CACNA2D1: variants seen among roughly 807,000 people sequenced by gnomAD.
The protein encoded by CACNA2D1 is voltage-dependent calcium channel subunit alpha-2/delta-1.
CACNA2D1 carries 53 observed loss-of-function variants against 171.5 expected under a neutral mutation model. That is an observed-to-expected ratio of 0.31 (90% CI 0.25 to 0.39). The LOEUF (loss-of-function observed/expected upper bound fraction) is 0.39. CACNA2D1 is among the 10% of genes least tolerant of loss of function. The probability of loss-of-function intolerance (pLI) is 1.00; values close to 1 mark genes in which losing one functional copy is unlikely to be tolerated. For missense variants in CACNA2D1, 903 were observed against 1,299.8 expected, an observed-to-expected ratio of 0.69 and a Z score of 4.69; for synonymous variants, 442 against 443.1, an observed-to-expected ratio of 1.00 and a Z score of 0.03.
chr7:82,291,226 T>TTTAAAATA (rs1480696284), intron 3 of CACNA2D1, among the ~76,000 whole-genome samples: 1 of 125,572 alleles, frequency 8.0e-6, no homozygotes, highest in East Asian at 2.2e-4. Flanking sequence ...ATATTATATA[T>TTTAAAATA]TTAAAATATT....
chr7:82,109,419 G>C (rs1039599076), intron 6 of CACNA2D1, among the ~76,000 whole-genome samples: 2 of 151,984 alleles, frequency 1.3e-5, no homozygotes, highest in Non-Finnish European at 2.9e-5. Context: ...CTCTTCATCT[G>C]AGCACTAGAT....
intron 5 of CACNA2D1, among the ~76,000 whole-genome samples, chr7:82,130,870 C>T (rs1790889843): frequency 6.9e-6 from 1 of 145,278 alleles, no homozygotes; most frequent in African/African-American, 2.6e-5. Flanking sequence ...AATCTCGGCT[C>T]ACTGCAAGCT....
chr7:82,028,344 T>C (rs1379826775), intron 12 of CACNA2D1: 4 of 151,754 alleles, frequency 2.6e-5, no homozygotes, highest in Non-Finnish European at 5.9e-5. Context: ...TAAAAAAAAA[T>C]TATTGCTCAC....
At chr7:82,218,380 A>T (rs1285522730) in intron 3 of CACNA2D1, among the ~76,000 whole-genome samples, 1 of 152,228 alleles carries the variant, frequency 6.6e-6, no homozygotes, top group East Asian at 1.9e-4. Flanking sequence ...TGAGCCTAGA[A>T]TCAATGAAGA....
intron 22 of CACNA2D1, 135 bp from the exon 23 acceptor site, chr7:81,983,469 T>C: frequency 1.4e-6 from 1 of 724,852 alleles, no homozygotes; most frequent in Non-Finnish European, 2.5e-6. Context: ...GGTTCATTTA[T>C]GTACAGCTGT....
intron 1 of CACNA2D1, among the ~76,000 whole-genome samples, chr7:82,400,147 C>A (rs971157164): frequency 2.0e-5 from 3 of 150,352 alleles, no homozygotes; most frequent in Non-Finnish European, 4.4e-5. Context: ...ATGCCTCCAG[C>A]TTTGTTCTTT....
At chr7:82,441,403 T>A (rs1340796898) in intron 1 of CACNA2D1, among the ~76,000 whole-genome samples, 1 of 152,118 alleles carries the variant, frequency 6.6e-6, no homozygotes, top group Non-Finnish European at 1.5e-5. Context: ...CAATGTCTTA[T>A]ATAATTTGAA....
chr7:82,320,254 T>C (rs538189019), intron 3 of CACNA2D1, among the ~76,000 whole-genome samples: 6 of 152,264 alleles, frequency 3.9e-5, no homozygotes, highest in African/African-American at 1.2e-4. Context: ...CAGAACCATA[T>C]TTAACTTATT....
chr7:82,380,016 C>T (rs999671885), intron 1 of CACNA2D1, among the ~76,000 whole-genome samples: 1 of 152,068 alleles, frequency 6.6e-6, no homozygotes, highest in Non-Finnish European at 1.5e-5. Context: ...TAGTGCCTTG[C>T]CACATCCCTT....
intron 1 of CACNA2D1, among the ~76,000 whole-genome samples, chr7:82,433,521 A>G (rs1829884435): frequency 6.6e-6 from 1 of 152,206 alleles, no homozygotes; most frequent in Non-Finnish European, 1.5e-5. Flanking sequence ...TATTCCAACC[A>G]TCTGCTTTAA....
chr7:82,428,440 C>A (rs1477969671), intron 1 of CACNA2D1, among the ~76,000 whole-genome samples: 1 of 152,104 alleles, frequency 6.6e-6, no homozygotes, highest in African/African-American at 2.4e-5. Context: ...ATGACTTGGA[C>A]CTCCCTTTCC....
At chr7:82,252,125 T>C (rs1309745276) in intron 3 of CACNA2D1, among the ~76,000 whole-genome samples, 1 of 152,196 alleles carries the variant, frequency 6.6e-6, no homozygotes, top group South Asian at 2.1e-4. Context: ...AAAATGAGAA[T>C]GCGAGTATGC....
intron 3 of CACNA2D1, 111 bp downstream of exon 3, chr7:82,335,024 C>A (rs1409867726): frequency 1.0e-5 from 8 of 772,070 alleles, no homozygotes; most frequent in East Asian, 4.9e-5. Flanking sequence ...ATCAGATGAA[C>A]ACAGTTACTA....
chr7:82,268,888 C>T (rs1808263838), intron 3 of CACNA2D1, among the ~76,000 whole-genome samples: 1 of 152,106 alleles, frequency 6.6e-6, no homozygotes, highest in Non-Finnish European at 1.5e-5. Context: ...TCCCGATGTA[C>T]AAGAGAGGCT....
chr7:82,369,246 T>C (rs1822086437), intron 1 of CACNA2D1, among the ~76,000 whole-genome samples: 1 of 152,094 alleles, frequency 6.6e-6, no homozygotes, highest in East Asian at 1.9e-4. Context: ...TAATGCTTAA[T>C]ACATAGTAGG....
intron 3 of CACNA2D1, among the ~76,000 whole-genome samples, chr7:82,268,697 T>G: frequency 7.1e-6 from 1 of 141,488 alleles, no homozygotes; most frequent in African/African-American, 2.7e-5. Context: ...AAAGTGAGAA[T>G]GGAAAGAATT....
intron 3 of CACNA2D1, among the ~76,000 whole-genome samples, chr7:82,203,685 C>T (rs573454372): frequency 2.6e-5 from 4 of 152,236 alleles, no homozygotes; most frequent in African/African-American, 7.2e-5. Context: ...TCTATAGCAG[C>T]GCATGGAGTG....
At chr7:82,158,196 TTATAATA>T (rs886410345) in intron 4 of CACNA2D1, among the ~76,000 whole-genome samples, 3 of 151,924 alleles carry the variant, frequency 2.0e-5, no homozygotes, top group Non-Finnish European at 4.4e-5. Flanking sequence ...TATATAATGT[TTATAATA>T]TATGTTTCCA....
chr7:82,404,299 G>A (rs557765114), intron 1 of CACNA2D1, among the ~76,000 whole-genome samples: 2 of 152,306 alleles, frequency 1.3e-5, no homozygotes, highest in Non-Finnish European at 2.9e-5. Flanking sequence ...AGAGGGCACG[G>A]CAGGAACATG....
Sources: gnomAD v4.1 joint callset for allele counts (sites outside exome capture counted in the v4.1 genomes callset) on GRCh38, gnomAD v4.1.1 for gene constraint, MANE v1.5 for transcripts, NCBI Gene and HGNC (gene_info 2026-07-23, HGNC 2026-07-21) for gene names.